Variants in POMT1 observed in about 807,000 individuals in gnomAD.
The protein encoded by POMT1 is protein O-mannosyl-transferase 1.
POMT1 carries 85 observed loss-of-function variants against 101.6 expected under a neutral mutation model. That is an observed-to-expected ratio of 0.84 (90% CI 0.70 to 1.00). The LOEUF (loss-of-function observed/expected upper bound fraction) is 1.00, where lower values mean the gene tolerates loss of function less well. Among genes scored for constraint, POMT1 ranks in the 50% least tolerant of loss-of-function variants. The probability of loss-of-function intolerance (pLI) is 0.00; values close to 1 mark genes in which losing one functional copy is unlikely to be tolerated. For missense variants in POMT1, 857 were observed against 930.4 expected (o/e 0.92, Z 1.03); for synonymous variants, 371 against 383.0 (o/e 0.97, Z 0.37).
chr9:131,508,982 G>C lies in POMT1; in HGVS notation c.499G>C (p.Val167Leu). The C allele has an allele frequency of 3.7e-6, 6 of 1,613,778 alleles. No individual in the cohort carries two copies. In the South Asian group the frequency reaches 6.6e-5, roughly 18 times the overall value. ...GTTAATATTTTTCAATCTATTGGCC[G>C]TGTTGTCCTACCTGAAGTTCTTCAA... is the stretch of plus-strand genomic sequence containing the variant. ...SVLIFFNLLA[V>L]LSYLKFFNCQ... Residue 167 changes from valine to leucine, a missense_variant, in exon 6 of 20, where the codon GTG becomes CTG. Coordinates refer to ENST00000402686, the MANE Select transcript of POMT1 (RefSeq NM_001077365.2).
intron 5 of POMT1, among the ~76,000 whole-genome samples, chr9:131,508,661 T>A (rs760731967): frequency 2.6e-5 from 4 of 152,338 alleles, no homozygotes; most frequent in Non-Finnish European, 5.9e-5. Flanking sequence ...ATGGTGCCAC[T>A]GCACTCCAGC....
intron 11 of POMT1, among the ~76,000 whole-genome samples, chr9:131,512,963 T>A (rs1947452645): frequency 6.6e-6 from 1 of 152,148 alleles, no homozygotes; most frequent in Non-Finnish European, 1.5e-5. Context: ...TCCTTGGCAG[T>A]CATGGTACAT....
chr9:131,509,953 C>T lies in POMT1; in HGVS notation c.656C>T (p.Ala219Val). The change falls in exon 8 of 20, where the codon GCT (alanine) becomes GTT (valine). Residue 219 changes from alanine (A) to valine (V), a missense_variant. Ala to Val is a moderately conservative substitution (Grantham distance 64). Transcript: ENST00000402686. ...FTYVLVLGVA[A>V]VHAWHLLGDQ... is the part of the protein sequence containing the mutation. ...TACGTGCTCGTGCTGGGTGTTGCAG[C>T]TGTCCATGCCTGGCACCTGCTTGGA... is the stretch of plus-strand genomic sequence containing the variant. The T allele has an allele frequency of 6.2e-7, 1 of 1,614,222 alleles. No homozygotes were observed. The highest frequency in any genetic ancestry group is 8.5e-7 in the Non-Finnish European group (1 of 1,180,040).
At position 131,511,288 on chromosome 9, in the gene POMT1, T is replaced by G. The variant is rs4740163; in HGVS notation, c.856-49T>G. The stretch of plus-strand genomic sequence containing the variant: ...GGCCATCGGGAAGGCTGGCTTAGGG[T>G]CATTTTTCTTTCTGTCTCTCACTCA... On this transcript the variant is annotated intron_variant, in intron 9 of 19. Transcript: ENST00000402686. 1 allele frequency: 1,568,062 copies of G among 1,574,664 alleles called. 780,962 individuals carry two copies. The highest frequency in any genetic ancestry group is 1 in the East Asian group (44,133 of 44,134).
intron 14 of POMT1, 108 bp downstream of exon 14, chr9:131,518,645 G>A (rs1288862723): frequency 3.6e-6 from 5 of 1,391,966 alleles, no homozygotes; most frequent in Non-Finnish European, 4.1e-6. Context: ...CTTCATTTGA[G>A]TCATCATGGC....
rs1169523052 is a variant in POMT1, at chr9:131,515,516, G to C, written c.1266G>C (p.Trp422Cys). Residue 422 changes from tryptophan (W) to cysteine (C), a missense_variant, in exon 13 of 20, where the codon TGG becomes TGC. Transcript: ENST00000402686. ...YNISMPAQNL[W>C]RLEIVNRGSD... ...TCTCCATGCCCGCCCAGAACCTCTG[G>C]AGACTGGTGAGTAAGGCTGCGGCTA... 5 of 1,613,910 alleles carry C rather than the reference G, an allele frequency of 3.1e-6. No homozygotes were observed. Among genetic ancestry groups the C allele is most frequent in the Non-Finnish European group, 4.2e-6 (5 of 1,179,914 alleles).
In POMT1 at chr9:131,507,601, G is replaced by A. The variant is rs1015783998; in HGVS notation, c.427+87G>A. On this transcript the variant is annotated intron_variant, in intron 5 of 19. Coordinates refer to ENST00000402686, the MANE Select transcript of POMT1 (RefSeq NM_001077365.2). ...GGAAGATCACATGGGCTTGGTGGGC[G>A]AGCTGCACCAGAAAGTGCATCTGGT... 4 of 1,570,366 alleles carry A rather than the reference G, an allele frequency of 2.5e-6. No homozygotes were observed. In the African/African-American group the frequency reaches 5.4e-5, roughly 21 times the overall value.
intron 13 of POMT1, among the ~76,000 whole-genome samples, chr9:131,517,547 G>A (rs1948965277): frequency 6.6e-6 from 1 of 152,168 alleles, no homozygotes; most frequent in African/African-American, 2.4e-5. Flanking sequence ...CAGAGTCGCT[G>A]GGATGACAAG....
At chr9:131,521,693 G>C (rs1325283125) in intron 18 of POMT1, among the ~76,000 whole-genome samples, 1 of 152,120 alleles carries the variant, frequency 6.6e-6, no homozygotes, top group Non-Finnish European at 1.5e-5. Flanking sequence ...TTTCTGTATT[G>C]TGGAATCTTA....
Position 131,520,341 on chromosome 9 carries a change from A to G in POMT1, c.1698+148A>G, listed in dbSNP as rs1355930475. On this transcript the variant is annotated intron_variant, in intron 17 of 19. Transcript: ENST00000402686. ...AAGGCCTGTGACTTGGTTTTCTCTA[A>G]ACGCTTTGGCAACCTGGAGCCAGGA... 1.2e-5 allele frequency: 9 copies of G among 767,438 alleles called. No individual in the cohort carries two copies. The South Asian group carries it at 1.2e-4, about 10-fold the overall frequency. 47.5% of individuals were successfully genotyped at this position (767,438 alleles called of 1,614,324 possible).
rs1172207213 is a variant in POMT1, at chr9:131,511,382, T to G, written c.901T>G (p.Phe301Val). 6.2e-7 allele frequency: 1 copy of G among 1,613,990 alleles called. No individual in the cohort carries two copies. The highest frequency in any genetic ancestry group is 1.7e-4 in the Middle Eastern group (1 of 6,052). The change falls in exon 10 of 20, where the codon TTT (phenylalanine) becomes GTT (valine). Residue 301 changes from phenylalanine to valine, a missense_variant. Phe to Val is a conservative substitution (Grantham distance 50). Transcript: ENST00000402686. ...ITQGQPLEVA[F>V]GSQVTLRNVF... ...TCAGGGTCAGCCACTGGAGGTGGCC[T>G]TTGGGTCCCAGGTCACTCTGAGGAA...
intron 12 of POMT1, among the ~76,000 whole-genome samples, chr9:131,514,083 C>T (rs1476999420): frequency 6.6e-6 from 1 of 152,222 alleles, no homozygotes; most frequent in Non-Finnish European, 1.5e-5. Context: ...CCCTCCCCTC[C>T]CATTGCATGT....
intron 10 of POMT1, 41 bp downstream of exon 10, chr9:131,511,508 A>T (rs1947109173): frequency 6.2e-7 from 1 of 1,611,516 alleles, no homozygotes; most frequent in Admixed American, 1.7e-5. Flanking sequence ...TAAATGCTTT[A>T]TTTGCTCGTA....
chr9:131,511,921 GGC>G, intron 10 of POMT1, 118 bp from the exon 11 acceptor site: 2 of 962,148 alleles, frequency 2.1e-6, no homozygotes. Context: ...ATGTTGCCCA[GGC>G]TGGTCTCAAA....
Position 131,519,287 on chromosome 9 carries a change from T to A in POMT1, c.1487-102T>A. The A allele has an allele frequency of 3.3e-6, 4 of 1,206,316 alleles. No homozygotes were observed. Among genetic ancestry groups the A allele is most frequent in the Non-Finnish European group, 3.6e-6 (3 of 841,642 alleles). 74.7% of individuals were successfully genotyped at this position (1,206,316 alleles called of 1,614,324 possible). A position where few individuals can be genotyped will look rare whatever the true frequency, so the allele number is the denominator to read the frequency against. Reference sequence around the variant, plus strand: ...ATGCGGTTCGATAAGGGGTCTTTGTTAGAAAGGCAGGAAGCCAGCTTTTTG... The same window carrying A: ...ATGCGGTTCGATAAGGGGTCTTTGTAAGAAAGGCAGGAAGCCAGCTTTTTG... On this transcript the variant is annotated intron_variant, in intron 15 of 19. Coordinates refer to ENST00000402686, the MANE Select transcript of POMT1 (RefSeq NM_001077365.2). The surrounding 1 kb of genome is among the most constrained non-coding windows in gnomAD (Gnocchi z 4.3).
Position 131,520,206 on chromosome 9 carries a change from T to C in POMT1, c.1698+13T>C. 1 of 1,587,052 alleles carries C rather than the reference T, an allele frequency of 6.3e-7. No homozygotes were observed. Among genetic ancestry groups the C allele is most frequent in the South Asian group, 1.1e-5 (1 of 90,534 alleles). On this transcript the variant is annotated intron_variant, in intron 17 of 19. Transcript: ENST00000402686. ...CCCCAGGACCAGCGTAAGCGAGCGA[T>C]GCTGACAGCTGACAGTCATAGATTC... is the stretch of plus-strand genomic sequence containing the variant.
At position 131,513,284 on chromosome 9, in the gene POMT1, G is replaced by A. The variant is rs1382335392; in HGVS notation, c.1128G>A (p.Gly376=). 1.9e-6 allele frequency: 3 copies of A among 1,613,038 alleles called. No individual in the cohort carries two copies. Among genetic ancestry groups the A allele is most frequent in the Non-Finnish European group, 2.5e-6 (3 of 1,179,988 alleles). ...GCCCTCCGAGACCTGTGAGGCACGG[G>A]GACATGGTGCAGCTGGTCCACGGCA... The part of the protein sequence containing the change: ...VSSPPRPVRH[G]DMVQLVHGMT... The change falls in exon 12 of 20, where the codon GGG becomes GGA. Residue 376 remains glycine (G), a synonymous_variant. Coordinates refer to ENST00000402686, the MANE Select transcript of POMT1 (RefSeq NM_001077365.2).
At chr9:131,508,427 A>AG (rs1946342875) in intron 5 of POMT1, among the ~76,000 whole-genome samples, 1 of 152,050 alleles carries the variant, frequency 6.6e-6, no homozygotes. Flanking sequence ...GCTACTCAGG[A>AG]GGCTGAGGCA....
At position 131,511,392 on chromosome 9, in the gene POMT1, A is replaced by G; in HGVS notation, c.911A>G (p.Gln304Arg). Residue 304 changes from glutamine (Q) to arginine (R), a missense_variant, in exon 10 of 20, where the codon CAG becomes CGG. Transcript: ENST00000402686. ...GQPLEVAFGS[Q>R]VTLRNVFGKP... Reference sequence around the variant, plus strand: ...CCACTGGAGGTGGCCTTTGGGTCCCAGGTCACTCTGAGGAACGTCTTTGGG... The same window carrying G: ...CCACTGGAGGTGGCCTTTGGGTCCCGGGTCACTCTGAGGAACGTCTTTGGG... 6.2e-7 allele frequency: 1 copy of G among 1,614,110 alleles called. No homozygotes were observed. Among genetic ancestry groups the G allele is most frequent in the Non-Finnish European group, 8.5e-7 (1 of 1,179,942 alleles).
Sources: gnomAD v4.1 joint callset for allele counts (sites outside exome capture counted in the v4.1 genomes callset) on GRCh38, gnomAD v4.1.1 for gene constraint, Gnocchi (gnomAD v3.1) non-coding constraint, MANE v1.5 for transcripts, NCBI Gene and HGNC (gene_info 2026-07-23, HGNC 2026-07-21) for gene names.